Variants in NAV2 observed in about 807,000 individuals in gnomAD.
NAV2 encodes helicase, APC down-regulated 1.
Under a neutral mutation model 223.2 loss-of-function variants are expected in NAV2, and 54 were observed. That is an observed-to-expected ratio of 0.24 (90% CI 0.19 to 0.30). The LOEUF (loss-of-function observed/expected upper bound fraction) is 0.30, where lower values mean the gene tolerates loss of function less well. Among genes scored for constraint, NAV2 ranks in the 10% least tolerant of loss-of-function variants. NAV2 has a pLI of 1.00. For missense variants in NAV2, 2,806 were observed against 3,147.5 expected (o/e 0.89, Z 2.60); for synonymous variants, 1,279 against 1,239.3 (o/e 1.03, Z -0.67).
intron 1 of NAV2, among the ~76,000 whole-genome samples, chr11:19,451,612 C>T (rs962018876): frequency 3.9e-5 from 6 of 152,132 alleles, no homozygotes; most frequent in Admixed American, 2.0e-4. Context: ...TTGGGTATTG[C>T]ACATGAGAAG....
intron 1 of NAV2, among the ~76,000 whole-genome samples, chr11:19,502,471 A>C (rs756902371): frequency 1.2e-4 from 18 of 152,200 alleles, no homozygotes; most frequent in African/African-American, 4.3e-4. Flanking sequence ...GATGACAGCT[A>C]TAGGTTTTCA....
At chr11:19,725,362 G>GGT (rs2051149413) in intron 1 of NAV2, among the ~76,000 whole-genome samples, 4 of 152,290 alleles carry the variant, frequency 2.6e-5, no homozygotes, top group South Asian at 4.1e-4. Flanking sequence ...GTTGAGGGTG[G>GGT]GGAAGAGAGA....
At chr11:19,411,793 C>T (rs1850156967) in intron 1 of NAV2, among the ~76,000 whole-genome samples, 1 of 152,176 alleles carries the variant, frequency 6.6e-6, no homozygotes, top group Non-Finnish European at 1.5e-5. Flanking sequence ...TCACAACTGG[C>T]ATCTCGTTTT....
chr11:19,701,303 G>C (rs1194212892), intron 1 of NAV2, among the ~76,000 whole-genome samples: 1 of 152,180 alleles, frequency 6.6e-6, no homozygotes, highest in Non-Finnish European at 1.5e-5. Flanking sequence ...AAATGGCCAC[G>C]GTCATGGGAG....
At chr11:19,801,759 C>T (rs79869359) in intron 1 of NAV2, among the ~76,000 whole-genome samples, 9,591 of 152,170 alleles carry the variant, frequency 0.063, 859 homozygotes, top group African/African-American at 0.2. Context: ...AGCTCTGTAA[C>T]CTTGGGCAAG....
chr11:20,051,418 T>G, intron 17 of NAV2, 85 bp downstream of exon 17: 3 of 1,349,278 alleles, frequency 2.2e-6, no homozygotes, highest in African/African-American at 1.4e-5. Context: ...TGGTGGGGGT[T>G]TGGGCTGGGC....
intron 1 of NAV2, among the ~76,000 whole-genome samples, chr11:19,681,609 G>A (rs2048882229): frequency 6.6e-6 from 1 of 152,206 alleles, no homozygotes; most frequent in South Asian, 2.1e-4. Context: ...CAATAGGTTT[G>A]CCCCTTGGGA....
chr11:19,574,685 G>T (rs1389832874), intron 1 of NAV2, among the ~76,000 whole-genome samples: 1 of 152,186 alleles, frequency 6.6e-6, no homozygotes, highest in East Asian at 1.9e-4. Context: ...AGCAAGACAA[G>T]GTTCCTGCTA....
At chr11:19,777,519 T>C (rs2056350104) in intron 1 of NAV2, 1 of 454,510 alleles carries the variant, frequency 2.2e-6, no homozygotes, top group African/African-American at 2.0e-5. Context: ...ATGAAGCTGG[T>C]AAGGGTGGAT....
chr11:20,005,350 A>G (rs534258080), intron 11 of NAV2, among the ~76,000 whole-genome samples: 25 of 151,106 alleles, frequency 1.7e-4, no homozygotes, highest in African/African-American at 6.1e-4. Context: ...GGTTCAAGCA[A>G]TTCTCCTCTC....
At chr11:19,699,639 C>A (rs1465760204) in intron 1 of NAV2, among the ~76,000 whole-genome samples, 2 of 152,128 alleles carry the variant, frequency 1.3e-5, no homozygotes, top group Admixed American at 6.5e-5. Flanking sequence ...ATGTGATACT[C>A]CATAGTAGAA....
At chr11:19,931,687 A>G (rs909095591) in intron 6 of NAV2, 1 of 152,114 alleles carries the variant, frequency 6.6e-6, no homozygotes, top group African/African-American at 2.4e-5. Flanking sequence ...AATTAGAAAC[A>G]TGAGCAGTTT....
chr11:19,938,483 T>C (rs1217286078), intron 7 of NAV2, among the ~76,000 whole-genome samples: 1 of 152,238 alleles, frequency 6.6e-6, no homozygotes, highest in Non-Finnish European at 1.5e-5. Context: ...TTCCAAGCTT[T>C]ATTGTTTTTA....
chr11:19,393,895 G>GTTTTTTTTTTTTTTTTTTTTTT (rs5790072), intron 1 of NAV2, among the ~76,000 whole-genome samples: 4 of 136,232 alleles, frequency 2.9e-5, no homozygotes, highest in Non-Finnish European at 1.6e-5. Context: ...TAACTTAAGG[G>GTTTTTTTTTTTTTTTTTTTTTT]TTTTTTTTTT....
intron 1 of NAV2, among the ~76,000 whole-genome samples, chr11:19,819,503 G>A (rs954963482): frequency 2.0e-5 from 3 of 152,162 alleles, no homozygotes; most frequent in African/African-American, 7.2e-5. Context: ...TGGCTTCTAG[G>A]AGAAGGGGGA....
At chr11:19,990,156 G>A (rs2051182335) in intron 11 of NAV2, among the ~76,000 whole-genome samples, 2 of 152,160 alleles carry the variant, frequency 1.3e-5, no homozygotes, top group South Asian at 4.2e-4. Context: ...AGACTTCAAG[G>A]AAAAGGTCCT....
chr11:19,683,732 G>A (rs1484116288), intron 1 of NAV2, among the ~76,000 whole-genome samples: 1 of 152,226 alleles, frequency 6.6e-6, no homozygotes, highest in Non-Finnish European at 1.5e-5. Flanking sequence ...GAGTGACCAG[G>A]ACATGAGCAA....
intron 22 of NAV2, among the ~76,000 whole-genome samples, chr11:20,073,341 A>T (rs1202356878): frequency 2.0e-5 from 3 of 152,120 alleles, no homozygotes; most frequent in Non-Finnish European, 4.4e-5. Context: ...GTTTGCCAGT[A>T]TTTTACCGAG....
intron 1 of NAV2, chr11:19,351,132 C>T (rs2081490689): frequency 2.6e-6 from 3 of 1,171,780 alleles, no homozygotes; most frequent in Non-Finnish European, 3.7e-6. Context: ...CTGTCTTTCT[C>T]TCCGGAAGGA....
Sources: gnomAD v4.1 joint callset for allele counts (sites outside exome capture counted in the v4.1 genomes callset) on GRCh38, gnomAD v4.1.1 for gene constraint, MANE v1.5 for transcripts, NCBI Gene and HGNC (gene_info 2026-07-23, HGNC 2026-07-21) for gene names.